The following MACROD2 variants were observed in gnomAD, a reference collection of about 807,000 sequenced individuals.
MACROD2 encodes mono-ADP ribosylhydrolase 2, also known as ADP-ribose glycohydrolase MACROD2.
A neutral mutation model predicts 70.4 loss-of-function variants in MACROD2; 36 were observed. The ratio of observed to expected loss-of-function variants is 0.51; its 90% CI spans 0.39 to 0.68. The LOEUF (loss-of-function observed/expected upper bound fraction) is 0.68. Ranked by LOEUF, MACROD2 falls within the 30% of genes least tolerant of loss-of-function variation. MACROD2 has a pLI of 0.00. For missense variants in MACROD2, 496 were observed against 538.4 expected, an observed-to-expected ratio of 0.92 and a Z score of 0.78; for synonymous variants, 172 against 178.8, an observed-to-expected ratio of 0.96 and a Z score of 0.30.
chr20:15,315,074 C>T (rs758972454), intron 6 of MACROD2, among the ~76,000 whole-genome samples: 9 of 152,112 alleles, frequency 5.9e-5, no homozygotes, highest in Admixed American at 2.6e-4. Flanking sequence ...AAGAAAGAAT[C>T]AGCAAACTGG....
chr20:14,214,295 GA>G (rs1011321874), intron 3 of MACROD2, among the ~76,000 whole-genome samples: 28 of 152,012 alleles, frequency 1.8e-4, no homozygotes, highest in African/African-American at 6.5e-4. Flanking sequence ...GGCATTAAAA[GA>G]AAACAAAAAC....
chr20:15,229,982 A>G lies in MACROD2; in HGVS notation c.461A>G (p.Asn154Ser), dbSNP rs2145982044. ...TVGPIARGHI[N>S]GSHKEDLANC... ...GGGCCAATAGCCAGGGGCCATATTA[A>G]TGGTTCCCACAAGGAAGACCTTGCA... is the stretch of plus-strand genomic sequence containing the variant. The change falls in exon 6 of 18, where the codon AAT (asparagine) becomes AGT (serine). Residue 154 changes from asparagine (N) to serine (S), a missense_variant. Transcript: ENST00000684519. 1 of 1,613,892 alleles carries G rather than the reference A, an allele frequency of 6.2e-7. No individual in the cohort carries two copies. Among genetic ancestry groups the G allele is most frequent in the Non-Finnish European group, 8.5e-7 (1 of 1,179,818 alleles).
intron 6 of MACROD2, among the ~76,000 whole-genome samples, chr20:15,354,991 T>C (rs1210475142): frequency 6.6e-6 from 1 of 152,220 alleles, no homozygotes; most frequent in Admixed American, 6.5e-5. Flanking sequence ...GACACTAATA[T>C]TATTCCATTT....
chr20:15,817,167 G>A (rs1408545657), intron 8 of MACROD2, among the ~76,000 whole-genome samples: 1 of 152,192 alleles, frequency 6.6e-6, no homozygotes, highest in African/African-American at 2.4e-5. Context: ...GTCAGCTGAA[G>A]AGGGAATGCT....
chr20:15,023,114 C>T (rs936173775), intron 5 of MACROD2, among the ~76,000 whole-genome samples: 2 of 152,118 alleles, frequency 1.3e-5, no homozygotes, highest in African/African-American at 4.8e-5. Flanking sequence ...GATCAGGCTT[C>T]AGTTCCCTCA....
intron 8 of MACROD2, among the ~76,000 whole-genome samples, chr20:15,507,871 G>C (rs2047448546): frequency 6.6e-6 from 1 of 152,224 alleles, no homozygotes; most frequent in South Asian, 2.1e-4. Flanking sequence ...TGGTCAATAG[G>C]AAGCACAGTG....
intron 7 of MACROD2, among the ~76,000 whole-genome samples, chr20:15,442,245 A>G (rs1308692137): frequency 2.0e-5 from 3 of 152,180 alleles, no homozygotes; most frequent in African/African-American, 7.2e-5. Context: ...TTTTTGGTCA[A>G]TGATACTCTT....
chr20:15,376,016 TTGAC>T (rs1289550231), intron 6 of MACROD2, among the ~76,000 whole-genome samples: 1 of 152,288 alleles, frequency 6.6e-6, no homozygotes, highest in South Asian at 2.1e-4. Context: ...ATTATCTAGT[TTGAC>T]TGGGAACTTT....
chr20:15,733,131 AT>A (rs2050969638), intron 8 of MACROD2, among the ~76,000 whole-genome samples: 1 of 152,088 alleles, frequency 6.6e-6, no homozygotes, highest in Non-Finnish European at 1.5e-5. Flanking sequence ...AAGTTGTCAA[AT>A]TTGTGGGCAT....
At chr20:15,778,701 A>G (rs897606100) in intron 8 of MACROD2, among the ~76,000 whole-genome samples, 17 of 152,044 alleles carry the variant, frequency 1.1e-4, no homozygotes, top group Admixed American at 1.3e-4. Context: ...CAGAGGTTGA[A>G]ATGAATGAAC....
intron 6 of MACROD2, among the ~76,000 whole-genome samples, chr20:15,402,170 G>C: frequency 6.6e-6 from 1 of 152,062 alleles, no homozygotes; most frequent in East Asian, 1.9e-4. Context: ...GGTCAGGGGA[G>C]ATCAATTACA....
intron 8 of MACROD2, among the ~76,000 whole-genome samples, chr20:15,750,082 G>T (rs2206715): frequency 0.43 from 65,673 of 151,910 alleles, 16,158 homozygotes; most frequent in African/African-American, 0.67. Flanking sequence ...TGGGAAATAA[G>T]ATTTGTAAAC....
intron 5 of MACROD2, among the ~76,000 whole-genome samples, chr20:14,753,230 A>G (rs1313112797): frequency 1.3e-5 from 2 of 152,114 alleles, no homozygotes; most frequent in Non-Finnish European, 2.9e-5. Flanking sequence ...TCTTCTTTGC[A>G]GTGCTGATTG....
intron 3 of MACROD2, among the ~76,000 whole-genome samples, chr20:14,110,173 A>G (rs987714052): frequency 3.3e-5 from 5 of 151,948 alleles, no homozygotes; most frequent in Admixed American, 1.3e-4. Flanking sequence ...ATAAAATTCA[A>G]TATTCCTTCA....
intron 8 of MACROD2, among the ~76,000 whole-genome samples, chr20:15,774,221 G>A (rs16996511): frequency 0.031 from 4,683 of 152,198 alleles, 249 homozygotes; most frequent in African/African-American, 0.11. Context: ...CCTAAAGGGA[G>A]CAGGTTATGT....
At chr20:14,395,765 C>A (rs1347273720) in intron 3 of MACROD2, among the ~76,000 whole-genome samples, 3 of 152,152 alleles carry the variant, frequency 2.0e-5, no homozygotes, top group Non-Finnish European at 4.4e-5. Flanking sequence ...CTGCAATCCA[C>A]AGATGTTGGA....
At chr20:14,455,149 A>C (rs2084287586) in intron 3 of MACROD2, among the ~76,000 whole-genome samples, 1 of 151,870 alleles carries the variant, frequency 6.6e-6, no homozygotes, top group Non-Finnish European at 1.5e-5. Flanking sequence ...GTGTCCAGGC[A>C]ATATTATGTA....
At chr20:15,156,220 C>A (rs2076305977) in intron 5 of MACROD2, among the ~76,000 whole-genome samples, 5 of 152,148 alleles carry the variant, frequency 3.3e-5, no homozygotes, top group Admixed American at 3.3e-4. Flanking sequence ...TGGGAGACTG[C>A]ATTCTATAGT....
At chr20:14,153,769 G>A (rs371723412) in intron 3 of MACROD2, among the ~76,000 whole-genome samples, 5 of 152,128 alleles carry the variant, frequency 3.3e-5, no homozygotes, top group Middle Eastern at 3.2e-3. Context: ...CATTCACCAC[G>A]CCATTTAAAA....
Sources: allele counts gnomAD v4.1 joint callset (sites outside exome capture counted in the v4.1 genomes callset), GRCh38; gene constraint gnomAD v4.1.1; transcripts MANE v1.5; gene names NCBI Gene and HGNC (gene_info 2026-07-23, HGNC 2026-07-21).